CPNE4: variants seen among roughly 807,000 people sequenced by gnomAD.
CPNE4 encodes the protein copine-4.
In CPNE4, 25 loss-of-function variants were observed where a neutral mutation model predicts 67.9. The ratio of observed to expected loss-of-function variants is 0.37; its 90% CI spans 0.27 to 0.51. The LOEUF is 0.51. CPNE4 is among the 20% of genes least tolerant of loss of function. CPNE4 has a pLI of 0.93. For synonymous variants in CPNE4, 242 were observed against 244.9 expected (o/e 0.99, Z 0.11); for missense variants, 464 against 690.8 (o/e 0.67, Z 3.68).
chr3:131,671,078 G>A lies in CPNE4; in HGVS notation c.592-1314C>T, dbSNP rs2080400696. 3.9e-5 allele frequency among the ~76,000 whole-genome samples: 6 copies of A among 152,164 alleles called. No individual in the cohort carries two copies. In the South Asian group the frequency reaches 1.2e-3, roughly 31 times the overall value. Reference sequence around the variant, plus strand: ...GCTGGGATTACAAGCGTGAGCCACAGCACCCGACCTAGAATTTGTTTTTTA... The same window carrying A: ...GCTGGGATTACAAGCGTGAGCCACAACACCCGACCTAGAATTTGTTTTTTA... On this transcript the variant is annotated intron_variant, in intron 6 of 15. Transcript: ENST00000429747.
At chr3:131,588,477 G>A (rs548380557) in intron 7 of CPNE4, among the ~76,000 whole-genome samples, 96 of 152,228 alleles carry the variant, frequency 6.3e-4, no homozygotes, top group African/African-American at 2.2e-3. Flanking sequence ...GCAGCAAAGG[G>A]GACCTTTTGC....
chr3:131,540,750 A>G (rs1265438127), intron 15 of CPNE4, among the ~76,000 whole-genome samples: 1 of 152,184 alleles, frequency 6.6e-6, no homozygotes, highest in Non-Finnish European at 1.5e-5. Flanking sequence ...ATAAGGTTGA[A>G]GTGGAGGGGA....
chr3:132,033,145 G>C (rs1349215953), intron 1 of CPNE4, among the ~76,000 whole-genome samples: 3 of 152,234 alleles, frequency 2.0e-5, no homozygotes, highest in African/African-American at 7.2e-5. Flanking sequence ...GTGCGCGCGG[G>C]GGCGCGCGAA....
At chr3:131,856,028 G>A (rs1455542496) in intron 2 of CPNE4, among the ~76,000 whole-genome samples, 1 of 151,858 alleles carries the variant, frequency 6.6e-6, no homozygotes, top group African/African-American at 2.4e-5. Flanking sequence ...ATTTTGCTCA[G>A]ACTGGTTATC....
chr3:131,801,103 A>G (rs1363452753), intron 2 of CPNE4, among the ~76,000 whole-genome samples: 1 of 151,902 alleles, frequency 6.6e-6, no homozygotes, highest in Admixed American at 6.6e-5. Context: ...ACATAAATAT[A>G]TATTTTCTCA....
chr3:131,667,325 A>G (rs1281318912), intron 7 of CPNE4, among the ~76,000 whole-genome samples: 1 of 152,204 alleles, frequency 6.6e-6, no homozygotes, highest in African/African-American at 2.4e-5. Flanking sequence ...AGGTGACTCT[A>G]ATGTATAATA....
chr3:131,891,337 T>A (rs2088104928), intron 2 of CPNE4, among the ~76,000 whole-genome samples: 1 of 152,054 alleles, frequency 6.6e-6, no homozygotes, highest in Admixed American at 6.6e-5. Context: ...TTTTAAATAT[T>A]AAAATATATT....
chr3:131,940,812 T>G (rs1378418606), intron 1 of CPNE4, among the ~76,000 whole-genome samples: 2 of 152,090 alleles, frequency 1.3e-5, no homozygotes, highest in Admixed American at 6.6e-5. Context: ...GATGGAGATG[T>G]CGGTGTCTTT....
At chr3:131,624,974 A>G (rs745462795) in intron 7 of CPNE4, among the ~76,000 whole-genome samples, 1 of 152,254 alleles carries the variant, frequency 6.6e-6, no homozygotes, top group East Asian at 1.9e-4. Flanking sequence ...TCCTTACCCT[A>G]TGCAAACAGA....
At chr3:131,884,464 G>A (rs988992986) in intron 2 of CPNE4, among the ~76,000 whole-genome samples, 2 of 152,194 alleles carry the variant, frequency 1.3e-5, no homozygotes, top group African/African-American at 4.8e-5. Context: ...TAGGAAGGGG[G>A]CAGAACTAGG....
Position 131,542,873 on chromosome 3 carries a change from C to A in CPNE4, c.1303-80G>T, listed in dbSNP as rs1158268081. 1.0e-5 allele frequency: 10 copies of A among 994,792 alleles called. No individual in the cohort carries two copies. In the African/African-American group the frequency reaches 1.4e-4, roughly 14 times the overall value. The allele number at this position is 994,792 out of a possible 1,614,324, so 61.6% of individuals were successfully genotyped here. A position where few individuals can be genotyped will look rare whatever the true frequency, so the allele number is the denominator to read the frequency against. The stretch of plus-strand genomic sequence containing the variant: ...GGACAATACAATACCAGTTAGACAC[C>A]CAGGTGGCCTCACTGCACATTGACC... On this transcript the variant is annotated intron_variant, in intron 14 of 15. Coordinates refer to ENST00000429747, the MANE Select transcript of CPNE4 (RefSeq NM_130808.3).
At chr3:131,716,984 C>T (rs1176760066) in intron 3 of CPNE4, among the ~76,000 whole-genome samples, 1 of 152,216 alleles carries the variant, frequency 6.6e-6, no homozygotes, top group African/African-American at 2.4e-5. Context: ...CCTTGCCTAT[C>T]TAGGCAGAAC....
chr3:131,833,869 T>C (rs557458436), intron 2 of CPNE4, among the ~76,000 whole-genome samples: 6 of 152,304 alleles, frequency 3.9e-5, no homozygotes, highest in East Asian at 1.9e-4. Context: ...GAGCCACATA[T>C]AGTGCTGCAA....
At position 131,913,504 on chromosome 3, in the gene CPNE4, G is replaced by A. The variant is rs533177775; in HGVS notation, c.-1-8060C>T. ...ACAACCCACTCTGAGGGAAGAATCA[G>A]GGAAGAAGGGACGCAAGACCCCAGA... On this transcript the variant is annotated intron_variant, in intron 1 of 15. Coordinates refer to ENST00000429747, the MANE Select transcript of CPNE4 (RefSeq NM_130808.3). Among the ~76,000 whole-genome samples the A allele has an allele frequency of 3.3e-4, 50 of 152,310 alleles. 1 individual carries two copies. In the South Asian group the frequency reaches 9.7e-3, roughly 30 times the overall value.
chr3:131,535,105 GT>G lies in CPNE4; in HGVS notation c.*89del. The G allele has an allele frequency of 2.2e-6, 3 of 1,355,292 alleles. No individual in the cohort carries two copies. Among genetic ancestry groups the G allele is most frequent in the Non-Finnish European group, 3.0e-6 (3 of 1,005,474 alleles). 84.0% of individuals were successfully genotyped at this position (1,355,292 alleles called of 1,614,324 possible). ...ATTTTTAAATGTGTATATGTTGTTGGTTTTTTAAAGTACAGGAGTAGTAGAA... is the reference window on the plus strand; with the variant it reads ...ATTTTTAAATGTGTATATGTTGTTGGTTTTTAAAGTACAGGAGTAGTAGAA... On this transcript the variant is annotated 3_prime_UTR_variant, in exon 16 of 16. Coordinates refer to ENST00000429747, the MANE Select transcript of CPNE4 (RefSeq NM_130808.3).
chr3:131,597,425 C>T (rs897258384), intron 7 of CPNE4, among the ~76,000 whole-genome samples: 1 of 151,996 alleles, frequency 6.6e-6, no homozygotes, highest in Non-Finnish European at 1.5e-5. Flanking sequence ...CAAAACTGCA[C>T]GTTCTGCACA....
chr3:131,952,766 C>A (rs143338982), intron 1 of CPNE4, among the ~76,000 whole-genome samples: 1 of 151,968 alleles, frequency 6.6e-6, no homozygotes, highest in Non-Finnish European at 1.5e-5. Context: ...TGAGAACGGG[C>A]CAGGATGACC....
At chr3:131,538,538 A>G (rs2107623380) in intron 15 of CPNE4, among the ~76,000 whole-genome samples, 1 of 152,354 alleles carries the variant, frequency 6.6e-6, no homozygotes, top group African/African-American at 2.4e-5. Context: ...AGCTTTATAT[A>G]GACAACACCT....
At chr3:131,941,138 C>T (rs2071373038) in intron 1 of CPNE4, among the ~76,000 whole-genome samples, 1 of 151,894 alleles carries the variant, frequency 6.6e-6, no homozygotes, top group Non-Finnish European at 1.5e-5. Context: ...GCGCTAGCTC[C>T]AAAGCATCAA....
Sources: allele counts gnomAD v4.1 joint callset (sites outside exome capture counted in the v4.1 genomes callset), GRCh38; gene constraint gnomAD v4.1.1; transcripts MANE v1.5; gene names NCBI Gene and HGNC (gene_info 2026-07-23, HGNC 2026-07-21).